CYP46A1: variants seen among roughly 807,000 people sequenced by gnomAD.
CYP46A1 encodes cholesterol 24-hydroxylase.
In CYP46A1, 20 loss-of-function variants were observed where a neutral mutation model predicts 63.3. That is an observed-to-expected ratio of 0.32 (90% CI 0.22 to 0.46). The LOEUF is 0.46. Ranked by LOEUF, CYP46A1 falls within the 20% of genes least tolerant of loss-of-function variation. The pLI is 1.00. For missense variants in CYP46A1, 445 were observed against 670.8 expected (o/e 0.66, Z 3.72); for synonymous variants, 268 against 273.6 (o/e 0.98, Z 0.20).
intron 1 of CYP46A1, 23 bp downstream of exon 1, chr14:99,684,559 C>A: frequency 7.0e-7 from 1 of 1,436,796 alleles, no homozygotes; most frequent in Non-Finnish European, 9.1e-7. Flanking sequence ...GGGGGCGGGG[C>A]CTGGCTGGGG....
At chr14:99,686,340 A>T (rs979407905) in intron 1 of CYP46A1, among the ~76,000 whole-genome samples, 19 of 152,058 alleles carry the variant, frequency 1.2e-4, no homozygotes, top group South Asian at 4.1e-4. Context: ...AAATCATCTT[A>T]AAAAAAATTG....
At position 99,727,002 on chromosome 14, in the gene CYP46A1, G is replaced by A. The variant is rs866443793; in HGVS notation, c.*275G>A. On this transcript the variant is annotated 3_prime_UTR_variant, in exon 15 of 15. Coordinates refer to ENST00000261835, the MANE Select transcript of CYP46A1 (RefSeq NM_006668.2). ...CCTTGCACAGGCCACTTGCTCAGAC[G>A]AGACACCCTAACTCTTGCTCACTCC... 4.6e-5 allele frequency: 18 copies of A among 391,686 alleles called. No individual in the cohort carries two copies. The highest frequency in any genetic ancestry group is 6.3e-5 in the Non-Finnish European group (14 of 221,422). The allele number at this position is 391,686 out of a possible 1,614,324, so 24.3% of individuals were successfully genotyped here.
intron 5 of CYP46A1, among the ~76,000 whole-genome samples, chr14:99,705,796 A>G (rs1595193712): frequency 6.6e-6 from 1 of 152,312 alleles, no homozygotes; most frequent in African/African-American, 2.4e-5. Flanking sequence ...ATGCTGGCAC[A>G]TGCCTGTAAT....
chr14:99,706,480 A>T, intron 5 of CYP46A1, 167 bp from the exon 6 acceptor site: 1 of 764,204 alleles, frequency 1.3e-6, no homozygotes, highest in Non-Finnish European at 2.1e-6. Context: ...TAGTTCAGTT[A>T]CTACAACTCC....
intron 1 of CYP46A1, among the ~76,000 whole-genome samples, chr14:99,688,911 G>C (rs372865801): frequency 6.6e-6 from 1 of 151,986 alleles, no homozygotes. Context: ...GCCTTGTCCC[G>C]CATCCTCCTC....
At chr14:99,700,332 A>C (rs778756950) in intron 5 of CYP46A1, among the ~76,000 whole-genome samples, 8 of 152,232 alleles carry the variant, frequency 5.3e-5, no homozygotes, top group Middle Eastern at 6.8e-3. Flanking sequence ...TGGGAACATC[A>C]AGGGCTGAGT....
At chr14:99,726,510 C>A in intron 14 of CYP46A1, 47 bp from the exon 15 acceptor site, 2 of 1,484,020 alleles carry the variant, frequency 1.3e-6, no homozygotes, top group African/African-American at 1.4e-5. Context: ...CTCACTCATT[C>A]TGTCTTTGCT....
At chr14:99,719,373 G>C (rs1420624366) in intron 10 of CYP46A1, among the ~76,000 whole-genome samples, 2 of 143,196 alleles carry the variant, frequency 1.4e-5, no homozygotes, top group Non-Finnish European at 3.0e-5. Context: ...CACCACACCT[G>C]GCTAATTTTT....
chr14:99,713,865 C>CAAAAAAAAAAA (rs71113218), intron 7 of CYP46A1, among the ~76,000 whole-genome samples: 1 of 67,590 alleles, frequency 1.5e-5, no homozygotes, highest in Non-Finnish European at 2.7e-5. Flanking sequence ...GACTCCATCT[C>CAAAAAAAAAAA]AAAAAAAAAA....
Position 99,706,410 on chromosome 14 carries a change from G to C in CYP46A1, c.444-237G>C, listed in dbSNP as rs1171557341. On this transcript the variant is annotated intron_variant, in intron 5 of 14. Coordinates refer to ENST00000261835, the MANE Select transcript of CYP46A1 (RefSeq NM_006668.2). ...AACAGAGTACCTGTGGAACTGTTAG[G>C]ACAAGAGCAAGGGAACAGCATCCAT... 3 of 506,972 alleles carry C rather than the reference G, an allele frequency of 5.9e-6. No homozygotes were observed. The East Asian group carries it at 1.0e-4, about 18-fold the overall frequency. 31.4% of individuals were successfully genotyped at this position (506,972 alleles called of 1,614,324 possible).
Position 99,706,779 on chromosome 14 carries a change from G to A in CYP46A1, c.576G>A (p.Leu192=). ...DMLTYTAMDI[L]AKAAFGMETS... ...TGACCTACACCGCCATGGACATCCT[G>A]GCCAAGGTGATGGGTGACAGTCGGG... Residue 192 remains leucine (L), a synonymous_variant, in exon 6 of 15, where the codon CTG becomes CTA. Coordinates refer to ENST00000261835, the MANE Select transcript of CYP46A1 (RefSeq NM_006668.2). The A allele has an allele frequency of 6.2e-7, 1 of 1,612,590 alleles. No homozygotes were observed. The highest frequency in any genetic ancestry group is 1.1e-5 in the South Asian group (1 of 91,014).
At chr14:99,723,459 C>A (rs2056867913) in intron 12 of CYP46A1, among the ~76,000 whole-genome samples, 1 of 152,180 alleles carries the variant, frequency 6.6e-6, no homozygotes, top group African/African-American at 2.4e-5. Flanking sequence ...CAGGTGCACA[C>A]CCCCACGCCT....
At chr14:99,720,483 G>A (rs1473595932) in intron 10 of CYP46A1, among the ~76,000 whole-genome samples, 2 of 126,934 alleles carry the variant, frequency 1.6e-5, no homozygotes, top group African/African-American at 3.0e-5. Flanking sequence ...TTTTTGAGAC[G>A]GAGTCTCGCT....
intron 1 of CYP46A1, among the ~76,000 whole-genome samples, chr14:99,689,767 A>C (rs2056527607): frequency 6.6e-6 from 1 of 151,278 alleles, no homozygotes; most frequent in African/African-American, 2.4e-5. Flanking sequence ...AGCCCTCGTC[A>C]CCTCTCCCAG....
At position 99,726,126 on chromosome 14, in the gene CYP46A1, C is replaced by T. The variant is rs1018850473; in HGVS notation, c.1266-64C>T. On this transcript the variant is annotated intron_variant, in intron 13 of 14. Coordinates refer to ENST00000261835, the MANE Select transcript of CYP46A1 (RefSeq NM_006668.2). ...CAGACCTGGGTTAACTACTGTCTTC[C>T]TTATGTTGTTCCTGTGGGGACGCCT... The T allele has an allele frequency of 4.8e-6, 7 of 1,444,064 alleles. 1 individual carries two copies. The highest frequency in any genetic ancestry group is 3.5e-4 in the Middle Eastern group (2 of 5,746). The allele number at this position is 1,444,064 out of a possible 1,614,324, so 89.5% of individuals were successfully genotyped here. A position where few individuals can be genotyped will look rare whatever the true frequency, so the allele number is the denominator to read the frequency against.
At chr14:99,721,912 C>A in intron 11 of CYP46A1, 44 bp from the exon 12 acceptor site, 1 of 1,520,594 alleles carries the variant, frequency 6.6e-7, no homozygotes, top group South Asian at 1.1e-5. Flanking sequence ...TGATCTGTGG[C>A]CTCTCCCGAC....
intron 1 of CYP46A1, among the ~76,000 whole-genome samples, chr14:99,688,628 T>C (rs1316745995): frequency 6.6e-6 from 1 of 152,152 alleles, no homozygotes; most frequent in Non-Finnish European, 1.5e-5. Context: ...CCCATTTTTA[T>C]ATAATATGTA....
intron 7 of CYP46A1, among the ~76,000 whole-genome samples, chr14:99,713,876 A>C (rs2056761617): frequency 6.6e-6 from 1 of 150,900 alleles, no homozygotes; most frequent in Non-Finnish European, 1.5e-5. Context: ...AAAAAAAAAA[A>C]AAAAAAAAAA....
At chr14:99,710,554 T>G (rs2056720130) in intron 7 of CYP46A1, 1 of 152,096 alleles carries the variant, frequency 6.6e-6, no homozygotes, top group Admixed American at 6.5e-5. Context: ...AAAACAGACT[T>G]TAAGTCAAAA....
Sources: allele counts gnomAD v4.1 joint callset (sites outside exome capture counted in the v4.1 genomes callset), GRCh38; gene constraint gnomAD v4.1.1; transcripts MANE v1.5; gene names NCBI Gene and HGNC (gene_info 2026-07-23, HGNC 2026-07-21).